NKAIN2: variants seen among roughly 807,000 people sequenced by gnomAD.
NKAIN2 encodes the protein sodium/potassium transporting ATPase interacting 2.
Under a neutral mutation model 32.6 loss-of-function variants are expected in NKAIN2, and 14 were observed. The observed-to-expected ratio is 0.43, with a 90% CI of 0.28 to 0.67. The LOEUF is 0.67. Ranked by LOEUF, NKAIN2 falls within the 30% of genes least tolerant of loss-of-function variation. The pLI is 0.17. For missense variants in NKAIN2, 198 were observed against 258.3 expected, an observed-to-expected ratio of 0.77 and a Z score of 1.60; for synonymous variants, 80 against 87.2, an observed-to-expected ratio of 0.92 and a Z score of 0.46.
At chr6:123,997,983 T>G (rs746088196) in intron 1 of NKAIN2, among the ~76,000 whole-genome samples, 54 of 152,314 alleles carry the variant, frequency 3.5e-4, no homozygotes, top group Non-Finnish European at 7.1e-4. Flanking sequence ...AAAACCATTG[T>G]GTGCTGGTCT....
At chr6:123,854,602 C>T (rs974887234) in intron 1 of NKAIN2, among the ~76,000 whole-genome samples, 1 of 152,136 alleles carries the variant, frequency 6.6e-6, no homozygotes, top group Admixed American at 6.5e-5. Context: ...TACGTTATTA[C>T]ATTTTATCTT....
At chr6:124,176,968 T>G (rs1290135895) in intron 1 of NKAIN2, among the ~76,000 whole-genome samples, 1 of 152,140 alleles carries the variant, frequency 6.6e-6, no homozygotes, top group Non-Finnish European at 1.5e-5. Context: ...TAAAAATGCC[T>G]TTCCATATAG....
intron 1 of NKAIN2, among the ~76,000 whole-genome samples, chr6:124,195,293 T>C (rs947627066): frequency 6.7e-6 from 1 of 148,804 alleles, no homozygotes; most frequent in East Asian, 2.0e-4. Context: ...ATAGAATGTA[T>C]TTATTTTAAA....
intron 4 of NKAIN2, among the ~76,000 whole-genome samples, chr6:124,738,766 C>A (rs563603682): frequency 6.6e-6 from 1 of 151,950 alleles, no homozygotes; most frequent in East Asian, 1.9e-4. Context: ...CACTTAATCT[C>A]TTTCAATTTC....
chr6:124,185,843 A>G (rs1004788170), intron 1 of NKAIN2, among the ~76,000 whole-genome samples: 2 of 137,132 alleles, frequency 1.5e-5, no homozygotes, highest in East Asian at 4.3e-4. Context: ...CAGAAATAAT[A>G]CCAACATCAA....
rs190126892 is a variant in NKAIN2 at position 124,346,198 on chromosome 6, A to G, written c.193-9069A>G. Among the ~76,000 whole-genome samples the G allele has an allele frequency of 2.1e-3, 321 of 152,186 alleles. 1 individual carries two copies. The highest frequency in any genetic ancestry group is 6.2e-3 in the African/African-American group (258 of 41,510). On this transcript the variant is annotated intron_variant, in intron 2 of 6. Transcript: ENST00000368417. ...GTTTGATTGCACTGTGGTTTGAGAG[A>G]CAGTTTTTTATAATTTCTGTTCTTT... is the stretch of plus-strand genomic sequence containing the variant.
At chr6:124,459,340 T>C (rs1776441896) in intron 3 of NKAIN2, among the ~76,000 whole-genome samples, 1 of 151,904 alleles carries the variant, frequency 6.6e-6, no homozygotes, top group Admixed American at 6.6e-5. Flanking sequence ...TGATGCATTG[T>C]AACATGAATT....
At chr6:124,383,454 G>C (rs1467620024) in intron 3 of NKAIN2, among the ~76,000 whole-genome samples, 1 of 152,084 alleles carries the variant, frequency 6.6e-6, no homozygotes, top group East Asian at 1.9e-4. Context: ...TATAAGGCCT[G>C]GCACAATTGA....
intron 2 of NKAIN2, among the ~76,000 whole-genome samples, chr6:124,333,254 G>A (rs1348594220): frequency 6.6e-6 from 1 of 152,010 alleles, no homozygotes; most frequent in Non-Finnish European, 1.5e-5. Context: ...TTCATTTCCT[G>A]TTGCTAAATA....
chr6:124,078,120 G>T (rs879726583), intron 1 of NKAIN2, among the ~76,000 whole-genome samples: 1 of 152,054 alleles, frequency 6.6e-6, no homozygotes, highest in Non-Finnish European at 1.5e-5. Flanking sequence ...CAGGTTTGTA[G>T]CATGGAACTT....
At position 124,004,963 on chromosome 6, in the gene NKAIN2, G is replaced by A. The variant is rs143604514; in HGVS notation, c.54+200709G>A. On this transcript the variant is annotated intron_variant, in intron 1 of 6. Coordinates refer to ENST00000368417, the MANE Select transcript of NKAIN2 (RefSeq NM_001040214.3). ...AACCTGGCTGGGTGCAGTGACACAT[G>A]TCTGTAATCCCAGTACTTTGGGAGG... Among the ~76,000 whole-genome samples, 56 of 151,830 alleles carry A rather than the reference G, an allele frequency of 3.7e-4. No individual in the cohort carries two copies. In the East Asian group the frequency reaches 8.9e-3, roughly 24 times the overall value.
At chr6:124,694,251 A>G (rs1774389006) in intron 4 of NKAIN2, among the ~76,000 whole-genome samples, 1 of 152,208 alleles carries the variant, frequency 6.6e-6, no homozygotes, top group African/African-American at 2.4e-5. Flanking sequence ...CCTGGCACAT[A>G]TGGTGAGTAG....
intron 4 of NKAIN2, among the ~76,000 whole-genome samples, chr6:124,674,955 C>A (rs1170734037): frequency 6.6e-6 from 1 of 151,958 alleles, no homozygotes; most frequent in African/African-American, 2.4e-5. Flanking sequence ...AAAAACTCTC[C>A]ATTTTTCACC....
At chr6:124,511,543 CT>C (rs5879742) in intron 3 of NKAIN2, among the ~76,000 whole-genome samples, 94,385 of 151,954 alleles carry the variant, frequency 0.62, 29,856 homozygotes, top group East Asian at 0.83. Context: ...GTAACTCTTC[CT>C]TCAGTCAACC....
chr6:123,885,869 C>A (rs755915098), intron 1 of NKAIN2, among the ~76,000 whole-genome samples: 9 of 150,964 alleles, frequency 6.0e-5, no homozygotes, highest in Non-Finnish European at 1.3e-4. Context: ...AAGTACTTTA[C>A]TTGACTCTTA....
intron 4 of NKAIN2, among the ~76,000 whole-genome samples, chr6:124,737,375 G>C (rs1403705841): frequency 1.3e-5 from 2 of 151,806 alleles, no homozygotes; most frequent in African/African-American, 4.8e-5. Context: ...CATGTGAAGA[G>C]GGACATGTTT....
chr6:124,723,245 G>A (rs1046319596), intron 4 of NKAIN2, among the ~76,000 whole-genome samples: 40 of 152,178 alleles, frequency 2.6e-4, no homozygotes, highest in African/African-American at 9.2e-4. Context: ...ACCTCTAGAT[G>A]TATAATTTTG....
intron 1 of NKAIN2, among the ~76,000 whole-genome samples, chr6:123,973,913 A>G (rs1051467058): frequency 6.6e-6 from 1 of 152,134 alleles, no homozygotes; most frequent in Non-Finnish European, 1.5e-5. Flanking sequence ...ACGTAAAACA[A>G]ATTTAATGGA....
At chr6:124,156,491 A>G (rs1253445478) in intron 1 of NKAIN2, among the ~76,000 whole-genome samples, 2 of 151,618 alleles carry the variant, frequency 1.3e-5, no homozygotes, top group East Asian at 2.0e-4. Flanking sequence ...AGAGTGTGTC[A>G]GGAAAGGAAA....
Sources: allele counts gnomAD v4.1 joint callset (sites outside exome capture counted in the v4.1 genomes callset), GRCh38; gene constraint gnomAD v4.1.1; transcripts MANE v1.5; gene names NCBI Gene and HGNC (gene_info 2026-07-23, HGNC 2026-07-21).